KCNMB2: variants seen among roughly 807,000 people sequenced by gnomAD.
The protein encoded by KCNMB2 is calcium-activated potassium channel subunit beta-2.
A neutral mutation model predicts 24.5 loss-of-function variants in KCNMB2; 9 were observed. The observed-to-expected ratio is 0.37, with a 90% CI of 0.22 to 0.64. The LOEUF (loss-of-function observed/expected upper bound fraction) is 0.64, where lower values mean the gene tolerates loss of function less well. Among genes scored for constraint, KCNMB2 ranks in the 30% least tolerant of loss-of-function variants. KCNMB2 has a pLI of 0.63. For synonymous variants in KCNMB2, 109 were observed against 104.4 expected (o/e 1.04, Z -0.27); for missense variants, 226 against 284.3 (o/e 0.79, Z 1.47).
chr3:178,779,182 C>T (rs1712721524), intron 1 of KCNMB2, among the ~76,000 whole-genome samples: 1 of 152,178 alleles, frequency 6.6e-6, no homozygotes, highest in Admixed American at 6.5e-5. Context: ...GCCTCCCACC[C>T]AGCCTTCACA....
At chr3:178,723,135 GTAATATAA>G (rs944754030) in intron 1 of KCNMB2, among the ~76,000 whole-genome samples, 10 of 152,040 alleles carry the variant, frequency 6.6e-5, no homozygotes, top group Non-Finnish European at 1.5e-4. Flanking sequence ...CTTAAAATCA[GTAATATAA>G]TAATATAATT....
intron 1 of KCNMB2, among the ~76,000 whole-genome samples, chr3:178,778,776 T>C (rs1010134620): frequency 3.3e-5 from 5 of 152,186 alleles, no homozygotes; most frequent in African/African-American, 1.2e-4. Context: ...TCCTGGCACC[T>C]GGCCACTGGG....
intron 1 of KCNMB2, among the ~76,000 whole-genome samples, chr3:178,692,710 T>G (rs994344805): frequency 1.3e-5 from 2 of 152,178 alleles, no homozygotes; most frequent in African/African-American, 4.8e-5. Context: ...TTGCTTAGGA[T>G]TGTGTCAGCT....
intron 4 of KCNMB2, among the ~76,000 whole-genome samples, chr3:178,830,322 TGTATGA>T (rs1487539792): frequency 2.0e-5 from 3 of 152,164 alleles, no homozygotes; most frequent in African/African-American, 7.2e-5. Context: ...CATATTCCAT[TGTATGA>T]GTATGTCTGT....
At chr3:178,577,463 C>T (rs1385080317) in intron 1 of KCNMB2, among the ~76,000 whole-genome samples, 1 of 152,200 alleles carries the variant, frequency 6.6e-6, no homozygotes, top group Non-Finnish European at 1.5e-5. Flanking sequence ...GTCTCTTCTC[C>T]TCCAAAGGAT....
At chr3:178,609,871 C>G (rs1718419324) in intron 1 of KCNMB2, among the ~76,000 whole-genome samples, 1 of 152,100 alleles carries the variant, frequency 6.6e-6, no homozygotes, top group Non-Finnish European at 1.5e-5. Context: ...CTCCTGGGAT[C>G]AAGCAATCCA....
chr3:178,699,492 G>T (rs1440325361), intron 1 of KCNMB2, among the ~76,000 whole-genome samples: 1 of 152,208 alleles, frequency 6.6e-6, no homozygotes, highest in East Asian at 1.9e-4. Flanking sequence ...AGGCCATAGG[G>T]GCTGGCTCAC....
chr3:178,560,529 C>T (rs1716281151), intron 1 of KCNMB2, among the ~76,000 whole-genome samples: 1 of 152,354 alleles, frequency 6.6e-6, no homozygotes, highest in South Asian at 2.1e-4. Flanking sequence ...ATGCACTCCA[C>T]TGAGCCGCAC....
chr3:178,586,371 C>T (rs751602912), intron 1 of KCNMB2, among the ~76,000 whole-genome samples: 4 of 152,070 alleles, frequency 2.6e-5, no homozygotes, highest in African/African-American at 4.8e-5. Flanking sequence ...AAATCAAGCA[C>T]GTCAGGAAGT....
At chr3:178,703,034 G>A (rs946466814) in intron 1 of KCNMB2, among the ~76,000 whole-genome samples, 3 of 152,138 alleles carry the variant, frequency 2.0e-5, no homozygotes, top group Non-Finnish European at 4.4e-5. Context: ...TGTACAGATA[G>A]CCTTATTCCC....
intron 3 of KCNMB2, among the ~76,000 whole-genome samples, chr3:178,826,667 A>C (rs1291322073): frequency 6.6e-6 from 1 of 152,222 alleles, no homozygotes; most frequent in African/African-American, 2.4e-5. Flanking sequence ...TTTCAAATGA[A>C]AAATTGAGGT....
intron 4 of KCNMB2, among the ~76,000 whole-genome samples, chr3:178,836,390 G>A (rs948292234): frequency 2.0e-5 from 3 of 152,142 alleles, no homozygotes; most frequent in African/African-American, 7.2e-5. Flanking sequence ...CATTGCCCAT[G>A]TAAGGGAAAG....
intron 1 of KCNMB2, among the ~76,000 whole-genome samples, chr3:178,700,124 G>C (rs528128562): frequency 1.3e-5 from 2 of 152,304 alleles, no homozygotes; most frequent in South Asian, 2.1e-4. Context: ...CAAGCCTACA[G>C]AAGACACTCA....
intron 1 of KCNMB2, among the ~76,000 whole-genome samples, chr3:178,736,054 G>A (rs1217216615): frequency 2.0e-5 from 3 of 152,082 alleles, no homozygotes; most frequent in South Asian, 2.1e-4. Context: ...CATACCTGAC[G>A]CTCAGAGGAG....
intron 1 of KCNMB2, among the ~76,000 whole-genome samples, chr3:178,713,740 C>T (rs1210480630): frequency 6.6e-6 from 1 of 152,152 alleles, no homozygotes; most frequent in African/African-American, 2.4e-5. Flanking sequence ...GACGCTGCTT[C>T]CACACAAAGC....
intron 1 of KCNMB2, among the ~76,000 whole-genome samples, chr3:178,753,958 G>C (rs1198278721): frequency 1.3e-5 from 2 of 149,800 alleles, no homozygotes; most frequent in African/African-American, 4.9e-5. Flanking sequence ...TGTCCCATCA[G>C]ACTCTCATAA....
chr3:178,674,737 C>A (rs895781781), intron 1 of KCNMB2, among the ~76,000 whole-genome samples: 1 of 152,132 alleles, frequency 6.6e-6, no homozygotes, highest in African/African-American at 2.4e-5. Flanking sequence ...ATAATAGAAG[C>A]CAATGTTTGC....
At chr3:178,817,560 A>T (rs1180591085) in intron 2 of KCNMB2, among the ~76,000 whole-genome samples, 1 of 152,158 alleles carries the variant, frequency 6.6e-6, no homozygotes, top group Non-Finnish European at 1.5e-5. Flanking sequence ...GTGCTCACTG[A>T]AGCTCTGAAG....
At chr3:178,545,474 A>C (rs1201732519) in intron 1 of KCNMB2, among the ~76,000 whole-genome samples, 1 of 152,242 alleles carries the variant, frequency 6.6e-6, no homozygotes. Context: ...AACTCTGAGA[A>C]AGTTAAAAAT....
Sources: allele counts gnomAD v4.1 joint callset (sites outside exome capture counted in the v4.1 genomes callset), GRCh38; gene constraint gnomAD v4.1.1; transcripts MANE v1.5; gene names NCBI Gene and HGNC (gene_info 2026-07-23, HGNC 2026-07-21).